The following USP54 variants were observed in gnomAD, a reference collection of about 807,000 sequenced individuals.
USP54 encodes ubiquitin carboxyl-terminal hydrolase 54.
A neutral mutation model predicts 170.5 loss-of-function variants in USP54; 87 were observed. The observed-to-expected ratio is 0.51, with a 90% CI of 0.43 to 0.61. The LOEUF is 0.61. Among genes scored for constraint, USP54 ranks in the 20% least tolerant of loss-of-function variants. The pLI is 0.00. For synonymous variants in USP54, 655 were observed against 742.8 expected (o/e 0.88, Z 1.92); for missense variants, 1,786 against 2,047.8 (o/e 0.87, Z 2.47).
intron 1 of USP54, among the ~76,000 whole-genome samples, chr10:73,607,442 T>C (rs1171179040): frequency 1.3e-5 from 2 of 152,128 alleles, no homozygotes; most frequent in Non-Finnish European, 1.5e-5. Flanking sequence ...TGTCATATTC[T>C]ATACAAAGTT....
chr10:73,527,498 CAAAAAAAAAA>C (rs931778033), intron 15 of USP54, among the ~76,000 whole-genome samples: 4 of 52,144 alleles, frequency 7.7e-5, no homozygotes, highest in African/African-American at 2.9e-4. Flanking sequence ...CACTCCATCT[CAAAAAAAAAA>C]AAAAAAAAAA....
rs1349466302 is a variant in USP54 at position 73,498,507 on chromosome 10, C to A, written c.*122G>T. 5.2e-6 allele frequency: 5 copies of A among 956,666 alleles called. No individual in the cohort carries two copies. Among genetic ancestry groups the A allele is most frequent in the Middle Eastern group, 2.4e-4 (1 of 4,172 alleles). The allele number at this position is 956,666 out of a possible 1,614,324, so 59.3% of individuals were successfully genotyped here. On this transcript the variant is annotated 3_prime_UTR_variant, in exon 24 of 24. Coordinates refer to ENST00000687698, the MANE Select transcript of USP54 (RefSeq NM_001391956.1). ...GCCAGGATGGTCTCAATCTCCTGAC[C>A]TCGTGATCCACCCGCCTCAGCCTCC...
intron 23 of USP54, among the ~76,000 whole-genome samples, chr10:73,499,412 T>C (rs1240442711): frequency 6.6e-6 from 1 of 152,162 alleles, no homozygotes; most frequent in East Asian, 1.9e-4. Flanking sequence ...AACAGTCTCA[T>C]GGATGTTGCC....
At chr10:73,505,869 C>CA (rs766983920) in intron 20 of USP54, 6,916 of 143,012 alleles carry the variant, frequency 0.048, 477 homozygotes, top group African/African-American at 0.16. Context: ...GACTCCGTCT[C>CA]AAAAAAAAAA....
chr10:73,611,142 A>C (rs2080108529), intron 1 of USP54, among the ~76,000 whole-genome samples: 1 of 152,180 alleles, frequency 6.6e-6, no homozygotes, highest in African/African-American at 2.4e-5. Context: ...TGCCTGATAT[A>C]AGCCATAAAA....
intron 4 of USP54, among the ~76,000 whole-genome samples, chr10:73,551,681 T>G (rs1022988734): frequency 1.4e-4 from 21 of 152,208 alleles, no homozygotes; most frequent in Admixed American, 1.4e-3. Flanking sequence ...CTGTTGCTCT[T>G]CTCAATTGTT....
exon 1 of USP54, chr10:73,625,624 T>C: frequency 6.5e-6 from 1 of 152,756 alleles, no homozygotes; most frequent in Non-Finnish European, 1.5e-5. Context: ...GCCTGGTCCC[T>C]TTATCCAGTT....
chr10:73,526,433 G>C lies in USP54; in HGVS notation c.2194+214C>G, dbSNP rs552313690. 4.1e-3 allele frequency among the ~76,000 whole-genome samples: 626 copies of C among 152,256 alleles called. 5 individuals carry two copies. The highest frequency in any genetic ancestry group is 7.7e-3 in the Non-Finnish European group (523 of 68,006). ...GGTTAATTTTTTGTATTTTAGTAGA[G>C]ACGGGGTTTCACCATGTTGCCCAGG... On this transcript the variant is annotated intron_variant, in intron 16 of 23. Transcript: ENST00000687698.
At chr10:73,580,200 C>G (rs1398058317) in intron 1 of USP54, among the ~76,000 whole-genome samples, 1 of 151,514 alleles carries the variant, frequency 6.6e-6, no homozygotes, top group Admixed American at 6.6e-5. Context: ...CACCTATAAT[C>G]CCAGCTCCTA....
intron 12 of USP54, 132 bp from the exon 13 acceptor site, chr10:73,530,967 G>T: frequency 7.8e-7 from 1 of 1,276,822 alleles, no homozygotes; most frequent in Non-Finnish European, 1.1e-6. Context: ...TAGGGCATAG[G>T]CTATCTGATT....
intron 19 of USP54, among the ~76,000 whole-genome samples, chr10:73,518,514 C>T (rs1281447696): frequency 6.6e-6 from 1 of 152,036 alleles, no homozygotes. Flanking sequence ...TTTCTGGAAA[C>T]GGTTTACCTA....
Position 73,570,201 on chromosome 10 carries a change from G to T in USP54, c.240+1220C>A, listed in dbSNP as rs79251939. Among the ~76,000 whole-genome samples, 323 of 152,016 alleles carry T rather than the reference G, an allele frequency of 2.1e-3. 12 individuals are homozygous for T. In the East Asian group the frequency reaches 0.058, roughly 27 times the overall value. ...ATCCATATAATCCATTATATATCTG[G>T]ACTAAGAAACTGTAGGGAAACTACA... On this transcript the variant is annotated intron_variant, in intron 4 of 23. Coordinates refer to ENST00000687698, the MANE Select transcript of USP54 (RefSeq NM_001391956.1).
At chr10:73,594,449 A>C (rs1381838454), upstream of USP54, among the ~76,000 whole-genome samples, 1 of 152,144 alleles carries the variant, frequency 6.6e-6, no homozygotes, top group Non-Finnish European at 1.5e-5. Context: ...TCTGTTGCCC[A>C]GGCTGGATGC....
At chr10:73,535,738 C>T (rs1169090652) in intron 11 of USP54, among the ~76,000 whole-genome samples, 1 of 152,138 alleles carries the variant, frequency 6.6e-6, no homozygotes, top group Non-Finnish European at 1.5e-5. Flanking sequence ...AAGACAGAGT[C>T]TTGCTATTTT....
intron 17 of USP54, among the ~76,000 whole-genome samples, chr10:73,522,560 T>G (rs1168872961): frequency 6.6e-6 from 1 of 152,144 alleles, no homozygotes; most frequent in African/African-American, 2.4e-5. Flanking sequence ...ACAAGACCCC[T>G]TTTTTCAGAA....
At chr10:73,513,415 A>C (rs1458567384) in intron 20 of USP54, 2 of 152,066 alleles carry the variant, frequency 1.3e-5, no homozygotes, top group Non-Finnish European at 2.9e-5. Flanking sequence ...CAGTGAGCCA[A>C]GGTTGTGCAA....
At chr10:73,505,555 G>A (rs2058962092) in intron 20 of USP54, 129 bp from the exon 21 acceptor site, 2 of 721,318 alleles carry the variant, frequency 2.8e-6, no homozygotes, top group Non-Finnish European at 4.5e-6. Flanking sequence ...GAATTCAACG[G>A]AGGAACATGC....
chr10:73,550,502 GTC>G (rs2069007970), intron 4 of USP54, among the ~76,000 whole-genome samples: 1 of 151,872 alleles, frequency 6.6e-6, no homozygotes. Context: ...ATTACTATCT[GTC>G]ATACTATATA....
At chr10:73,587,318 C>CA (rs1334658644) in intron 1 of USP54, among the ~76,000 whole-genome samples, 1 of 151,838 alleles carries the variant, frequency 6.6e-6, no homozygotes, top group Non-Finnish European at 1.5e-5. Flanking sequence ...CTAAAAAACA[C>CA]AAAAAAATTA....
Sources: allele counts gnomAD v4.1 joint callset (sites outside exome capture counted in the v4.1 genomes callset), GRCh38; gene constraint gnomAD v4.1.1; transcripts MANE v1.5; gene names NCBI Gene and HGNC (gene_info 2026-07-23, HGNC 2026-07-21).